Variants in PKHD1 observed in about 807,000 individuals in gnomAD.
PKHD1 encodes PKHD1 ciliary IPT domain containing fibrocystin/polyductin.
PKHD1 carries 291 observed loss-of-function variants against 412.0 expected under a neutral mutation model. That is an observed-to-expected ratio of 0.71 (90% CI 0.64 to 0.78). The LOEUF (loss-of-function observed/expected upper bound fraction) is 0.78. Among genes scored for constraint, PKHD1 ranks in the 30% least tolerant of loss-of-function variants. The probability of loss-of-function intolerance (pLI) is 0.00; values close to 1 mark genes in which losing one functional copy is unlikely to be tolerated. For missense variants in PKHD1, 4,825 were observed against 4,950.7 expected (o/e 0.97, Z 0.76); for synonymous variants, 1,777 against 1,821.5 (o/e 0.98, Z 0.62).
intron 60 of PKHD1, among the ~76,000 whole-genome samples, chr6:51,678,004 A>G (rs1358191784): frequency 3.3e-5 from 5 of 152,100 alleles, no homozygotes; most frequent in Non-Finnish European, 7.4e-5. Context: ...GTGTTTTTGT[A>G]TTTTCGTTAT....
rs1290111165 is a variant in PKHD1 at position 51,748,233 on chromosome 6, T to G, written c.9383A>C (p.His3128Pro). ...ACTTTCCTTATAGAGATGAAGGCCATGAAGACTTGAATGCGCCACATTGTC... is the reference window on the plus strand; with the variant it reads ...ACTTTCCTTATAGAGATGAAGGCCAGGAAGACTTGAATGCGCCACATTGTC... The part of the protein sequence containing the change: ...WSDNVAHSSL[H>P]GLHLYKESGL... Residue 3128 changes from histidine (H) to proline (P), a missense_variant, in exon 58 of 67, where the codon CAT (histidine) becomes CCT (proline). Coordinates refer to ENST00000371117, the MANE Select transcript of PKHD1 (RefSeq NM_138694.4). The G allele has an allele frequency of 5.6e-6, 9 of 1,614,096 alleles. No individual in the cohort carries two copies. Among genetic ancestry groups the G allele is most frequent in the Non-Finnish European group, 7.6e-6 (9 of 1,179,958 alleles).
Position 51,632,630 on chromosome 6 carries a change from G to C in PKHD1, c.11600C>G (p.Ser3867Cys). ...GCTCAGAGCCAGCCATGAGGCCACA[G>C]AGGACAGGGAAGCAGCCAGGATGAT... is the stretch of plus-strand genomic sequence containing the variant. ...STIILAASLS[S>C]VASWLALSCL... The change falls in exon 65 of 67, where the codon TCT (serine) becomes TGT (cysteine). Residue 3867 changes from serine to cysteine, a missense_variant. Coordinates refer to ENST00000371117, the MANE Select transcript of PKHD1 (RefSeq NM_138694.4). The C allele has an allele frequency of 1.2e-6, 2 of 1,613,456 alleles. No homozygotes were observed. Among genetic ancestry groups the C allele is most frequent in the Non-Finnish European group, 1.7e-6 (2 of 1,179,660 alleles).
At chr6:51,948,446 C>T (rs1043264387) in intron 36 of PKHD1, among the ~76,000 whole-genome samples, 7 of 152,200 alleles carry the variant, frequency 4.6e-5, no homozygotes, top group African/African-American at 1.7e-4. Context: ...CTACCACCTC[C>T]AATGTGTATT....
At position 52,056,881 on chromosome 6, in the gene PKHD1, G is replaced by C. The variant is rs1156329315; in HGVS notation, c.1602+9C>G. The C allele has an allele frequency of 1.2e-6, 2 of 1,607,872 alleles. No homozygotes were observed. Among genetic ancestry groups the C allele is most frequent in the Non-Finnish European group, 8.5e-7 (1 of 1,174,478 alleles). On this transcript the variant is annotated intron_variant, in intron 17 of 66. Transcript: ENST00000371117. ...CTCCCCTCCCTCATTTTTTGAAGAA[G>C]TCTCCCACCAGATGGGCTGTGGCAT...
chr6:51,671,523 C>T (rs558824390), intron 60 of PKHD1, among the ~76,000 whole-genome samples: 2,213 of 152,298 alleles, frequency 0.015, 63 homozygotes, highest in African/African-American at 0.05. Flanking sequence ...GTAATTTGAT[C>T]GTCTGAAGCC....
intron 12 of PKHD1, 82 bp downstream of exon 12, chr6:52,065,894 G>T: frequency 1.3e-6 from 1 of 783,872 alleles, no homozygotes; most frequent in Non-Finnish European, 2.3e-6. Flanking sequence ...GCTTCCTCCT[G>T]CATCCCTCAT....
chr6:51,627,234 A>G, intron 65 of PKHD1, 118 bp from the exon 66 acceptor site: 1 of 917,634 alleles, frequency 1.1e-6, no homozygotes, highest in Non-Finnish European at 1.8e-6. Flanking sequence ...ATGCAACAGA[A>G]AGCATATAAC....
intron 60 of PKHD1, among the ~76,000 whole-genome samples, chr6:51,724,243 G>T (rs1782282028): frequency 1.3e-5 from 2 of 152,216 alleles, no homozygotes; most frequent in Non-Finnish European, 2.9e-5. Context: ...AAAGACTATT[G>T]TTTGTCCTTA....
At chr6:51,955,811 G>C (rs1791038081) in intron 36 of PKHD1, among the ~76,000 whole-genome samples, 1 of 151,996 alleles carries the variant, frequency 6.6e-6, no homozygotes, top group Admixed American at 6.6e-5. Context: ...ATCTTTTGAA[G>C]AAATTATTTT....
chr6:51,831,383 GTTC>G (rs1212149933), intron 51 of PKHD1, among the ~76,000 whole-genome samples: 21 of 151,926 alleles, frequency 1.4e-4, no homozygotes, highest in Admixed American at 1.4e-3. Context: ...ATCAAATCCT[GTTC>G]TTATTTTTTA....
At chr6:51,678,050 G>A (rs1490440810) in intron 60 of PKHD1, among the ~76,000 whole-genome samples, 1 of 152,058 alleles carries the variant, frequency 6.6e-6, no homozygotes, top group Non-Finnish European at 1.5e-5. Flanking sequence ...AAACATCAAA[G>A]AATATGGTCC....
chr6:51,900,545 A>T (rs1331762188), intron 43 of PKHD1, among the ~76,000 whole-genome samples: 82 of 152,262 alleles, frequency 5.4e-4, no homozygotes, highest in Non-Finnish European at 9.3e-4. Flanking sequence ...GACTTAAATG[A>T]TAGACCTAAA....
At chr6:51,669,275 G>A (rs1262387651) in intron 60 of PKHD1, among the ~76,000 whole-genome samples, 1 of 152,168 alleles carries the variant, frequency 6.6e-6, no homozygotes, top group Non-Finnish European at 1.5e-5. Context: ...ATAGTCTTGG[G>A]AGAGTGTATG....
intron 60 of PKHD1, among the ~76,000 whole-genome samples, chr6:51,674,263 T>A (rs555440816): frequency 6.6e-6 from 1 of 152,270 alleles, no homozygotes; most frequent in South Asian, 2.1e-4. Flanking sequence ...TAGGTACAGA[T>A]ATATCTGTTA....
At chr6:51,621,536 C>G (rs1581710699) in intron 66 of PKHD1, among the ~76,000 whole-genome samples, 1 of 152,100 alleles carries the variant, frequency 6.6e-6, no homozygotes, top group Non-Finnish European at 1.5e-5. Flanking sequence ...AAATCTTTTC[C>G]CCCTTGTTCT....
chr6:51,984,631 T>C (rs1438614771), intron 35 of PKHD1, among the ~76,000 whole-genome samples: 1 of 152,216 alleles, frequency 6.6e-6, no homozygotes, highest in Non-Finnish European at 1.5e-5. Context: ...CAGTATGAAA[T>C]TCAGAACTGC....
chr6:52,049,991 T>G (rs972576119), intron 22 of PKHD1, among the ~76,000 whole-genome samples, 166 bp downstream of exon 22: 4 of 152,228 alleles, frequency 2.6e-5, no homozygotes, highest in Non-Finnish European at 5.9e-5. Flanking sequence ...GGCCCAGTAA[T>G]TTTAACAATA....
intron 49 of PKHD1, among the ~76,000 whole-genome samples, chr6:51,854,408 T>C (rs6940570): frequency 0.4 from 61,104 of 151,776 alleles, 13,486 homozygotes; most frequent in East Asian, 0.85. Context: ...CCCAGTTTGG[T>C]GGCATGAGGA....
chr6:51,794,767 T>G (rs550175468), intron 52 of PKHD1, among the ~76,000 whole-genome samples: 1 of 152,354 alleles, frequency 6.6e-6, no homozygotes, highest in South Asian at 2.1e-4. Flanking sequence ...GCATCATTTA[T>G]TAAACAGAAT....
Sources: allele counts gnomAD v4.1 joint callset (sites outside exome capture counted in the v4.1 genomes callset), GRCh38; gene constraint gnomAD v4.1.1; transcripts MANE v1.5; gene names NCBI Gene and HGNC (gene_info 2026-07-23, HGNC 2026-07-21).